ABCD2: variants seen among roughly 807,000 people sequenced by gnomAD.
ABCD2 encodes the protein ATP binding cassette subfamily D member 2.
In ABCD2, 36 loss-of-function variants were observed where a neutral mutation model predicts 70.9. The observed-to-expected ratio is 0.51, with a 90% confidence interval of 0.39 to 0.67. The LOEUF (loss-of-function observed/expected upper bound fraction) is 0.67. Among genes scored for constraint, ABCD2 ranks in the 30% least tolerant of loss-of-function variants. The probability of loss-of-function intolerance (pLI) is 0.00; values close to 1 mark genes in which losing one functional copy is unlikely to be tolerated. For missense variants in ABCD2, 729 were observed against 890.2 expected, an observed-to-expected ratio of 0.82 and a Z score of 2.30; for synonymous variants, 304 against 306.9, an observed-to-expected ratio of 0.99 and a Z score of 0.10.
intron 9 of ABCD2, among the ~76,000 whole-genome samples, chr12:39,568,416 A>G (rs1941392268): frequency 6.6e-6 from 1 of 152,118 alleles, no homozygotes; most frequent in Admixed American, 6.5e-5. Context: ...AGTTGATTGA[A>G]TCGGCTACTG....
intron 1 of ABCD2, 29 bp from the exon 2 acceptor site, chr12:39,617,197 T>C (rs1220184402): frequency 2.0e-6 from 3 of 1,474,314 alleles, no homozygotes; most frequent in South Asian, 2.9e-5. Context: ...GTTGAGGACT[T>C]TTTTTAAAGA....
At chr12:39,566,366 T>A (rs561019697) in intron 9 of ABCD2, among the ~76,000 whole-genome samples, 11 of 152,174 alleles carry the variant, frequency 7.2e-5, no homozygotes, top group African/African-American at 2.2e-4. Context: ...GGGAGGTTGT[T>A]TGTGTCGAGG....
At chr12:39,614,431 T>A (rs1253916194) in intron 2 of ABCD2, among the ~76,000 whole-genome samples, 1 of 152,178 alleles carries the variant, frequency 6.6e-6, no homozygotes, top group Non-Finnish European at 1.5e-5. Context: ...AGGACAACTA[T>A]CAAATAGCAG....
chr12:39,608,060 T>C (rs558952331), intron 2 of ABCD2, among the ~76,000 whole-genome samples: 14 of 152,090 alleles, frequency 9.2e-5, no homozygotes, highest in African/African-American at 3.1e-4. Context: ...CCCAGCTCCT[T>C]GGGAGGCTGA....
chr12:39,534,701 C>CAGAA, the ABCD2 span, among the ~76,000 whole-genome samples: 159 of 111,298 alleles, frequency 1.4e-3, 3 homozygotes, highest in Non-Finnish European at 5.9e-4. Context: ...GAAGGAAGGA[C>CAGAA]GGAAGGAAGG....
rs111794113 is a variant in ABCD2 at position 39,613,108 on chromosome 12, C to T, written c.1120+3880G>A. On this transcript the variant is annotated intron_variant, in intron 2 of 9. Coordinates refer to ENST00000308666, the MANE Select transcript of ABCD2 (RefSeq NM_005164.4). ...ATGTTAAAGAATTGAGGTTGTGGGC[C>T]GGGCGCGGTGGCTCACGCCTGTAAT... 4.6e-3 allele frequency among the ~76,000 whole-genome samples: 634 copies of T among 138,370 alleles called. 184 individuals are homozygous for T. The highest frequency in any genetic ancestry group is 0.018 in the African/African-American group (584 of 31,626). The allele number at this position is 138,370 out of a possible 152,430, so 90.8% of individuals were successfully genotyped here. A position where few individuals can be genotyped will look rare whatever the true frequency, so the allele number is the denominator to read the frequency against.
At chr12:39,559,239 G>T (rs1293822646) in intron 9 of ABCD2, among the ~76,000 whole-genome samples, 1 of 151,918 alleles carries the variant, frequency 6.6e-6, no homozygotes, top group Non-Finnish European at 1.5e-5. Context: ...CAGCGTGGTG[G>T]TGTGTGCCTG....
At chr12:39,598,763 G>A (rs1941855773) in intron 6 of ABCD2, among the ~76,000 whole-genome samples, 1 of 152,076 alleles carries the variant, frequency 6.6e-6, no homozygotes, top group African/African-American at 2.4e-5. Flanking sequence ...TTTGAAATAG[G>A]TTGCATAGCA....
the ABCD2 span, among the ~76,000 whole-genome samples, chr12:39,544,533 C>T: frequency 6.6e-6 from 1 of 152,160 alleles, no homozygotes; most frequent in Admixed American, 6.5e-5. Context: ...TTTCAGCCTA[C>T]ACCCAGGAAT....
chr12:39,557,605 A>C (rs996613027), intron 9 of ABCD2, among the ~76,000 whole-genome samples: 12 of 152,168 alleles, frequency 7.9e-5, no homozygotes, highest in African/African-American at 2.9e-4. Context: ...TCTTCATGGC[A>C]GCCCTGGAGG....
At chr12:39,601,704 A>G (rs1283663431) in intron 5 of ABCD2, among the ~76,000 whole-genome samples, 1 of 152,108 alleles carries the variant, frequency 6.6e-6, no homozygotes, top group African/African-American at 2.4e-5. Context: ...TAGAAAGGAT[A>G]CCAATATTCA....
chr12:39,599,797 A>G (rs925193751), intron 6 of ABCD2, among the ~76,000 whole-genome samples: 5 of 152,224 alleles, frequency 3.3e-5, no homozygotes, highest in Admixed American at 2.0e-4. Flanking sequence ...CTTCCAGCCT[A>G]GGCGCTTGTT....
Position 39,553,952 on chromosome 12 carries a change from G to A in ABCD2, c.2183C>T (p.Ser728Leu). Residue 728 changes from serine to leucine, a missense_variant, in exon 10 of 10, where the codon TCA (serine) becomes TTA (leucine). Transcript: ENST00000308666. Reference protein sequence around the residue: ...NELCKILGEDSVLKTIKNEDE... With the variant: ...NELCKILGEDLVLKTIKNEDE... Reference sequence around the variant, plus strand: ...TTCATTTTTAATTGTTTTCAGCACTGAGTCTTCTCCCAAAATTTTACATAG... The same window carrying A: ...TTCATTTTTAATTGTTTTCAGCACTAAGTCTTCTCCCAAAATTTTACATAG... The A allele has an allele frequency of 6.2e-7, 1 of 1,612,630 alleles. No individual in the cohort carries two copies. Among genetic ancestry groups the A allele is most frequent in the Non-Finnish European group, 8.5e-7 (1 of 1,179,602 alleles).
At chr12:39,575,346 G>A (rs1941501757) in intron 8 of ABCD2, among the ~76,000 whole-genome samples, 2 of 152,014 alleles carry the variant, frequency 1.3e-5, no homozygotes, top group South Asian at 4.2e-4. Flanking sequence ...TCCTTGGCAG[G>A]GCTGGTGTGT....
the ABCD2 span, among the ~76,000 whole-genome samples, chr12:39,533,962 A>G: frequency 1.3e-5 from 2 of 152,268 alleles, no homozygotes; most frequent in Non-Finnish European, 2.9e-5. Context: ...GTGATAAAAA[A>G]TTGGTGCATG....
In ABCD2 at chr12:39,554,084, C is replaced by G; in HGVS notation, c.2051G>C (p.Arg684Pro). The G allele has an allele frequency of 6.2e-7, 1 of 1,613,568 alleles. No individual in the cohort carries two copies. Among genetic ancestry groups the G allele is most frequent in the Non-Finnish European group, 8.5e-7 (1 of 1,179,788 alleles). ...LLQFDGEGGW[R>P]FEQLDTAIRL... is the part of the protein sequence containing the mutation. ...GATAGCAGTATCCAATTGTTCAAAGCGCCAACCTCCTTCACCATCAAACTG... is the reference window on the plus strand; with the variant it reads ...GATAGCAGTATCCAATTGTTCAAAGGGCCAACCTCCTTCACCATCAAACTG... Residue 684 changes from arginine (R) to proline (P), a missense_variant, in exon 10 of 10, where the codon CGC (arginine) becomes CCC (proline). Transcript: ENST00000308666.
downstream of ABCD2, among the ~76,000 whole-genome samples, chr12:39,547,703 G>T (rs1941039110): frequency 6.6e-6 from 1 of 152,094 alleles, no homozygotes; most frequent in African/African-American, 2.4e-5. Flanking sequence ...TTTCAGATCT[G>T]CCAGATAAAG....
At chr12:39,605,507 T>A (rs971158207) in intron 3 of ABCD2, among the ~76,000 whole-genome samples, 2 of 152,114 alleles carry the variant, frequency 1.3e-5, no homozygotes, top group African/African-American at 4.8e-5. Flanking sequence ...ACATGATTTA[T>A]ATGCCCAAAG....
intron 7 of ABCD2, among the ~76,000 whole-genome samples, chr12:39,582,909 G>A (rs1036931792): frequency 4.0e-5 from 6 of 150,764 alleles, no homozygotes; most frequent in Non-Finnish European, 7.4e-5. Context: ...GCCTAGGCTG[G>A]AGTGCAGTGA....
Sources: gnomAD v4.1 joint callset for allele counts (sites outside exome capture counted in the v4.1 genomes callset) on GRCh38, gnomAD v4.1.1 for gene constraint, MANE v1.5 for transcripts, NCBI Gene and HGNC (gene_info 2026-07-23, HGNC 2026-07-21) for gene names.